Variants in ANAPC10 observed in about 807,000 individuals in gnomAD.
ANAPC10 encodes the protein anaphase promoting complex subunit 10.
ANAPC10 carries 12 observed loss-of-function variants against 22.0 expected under a neutral mutation model. The observed-to-expected ratio is 0.55, with a 90% CI of 0.35 to 0.88. The LOEUF (loss-of-function observed/expected upper bound fraction) is 0.88, where lower values mean the gene tolerates loss of function less well. Ranked by LOEUF, ANAPC10 falls within the 40% of genes least tolerant of loss-of-function variation. ANAPC10 has a pLI of 0.01. For missense variants in ANAPC10, 188 were observed against 220.9 expected (o/e 0.85, Z 0.94); for synonymous variants, 65 against 69.5 (o/e 0.94, Z 0.32).
At chr4:145,037,139 A>G (rs1738702046) in intron 4 of ANAPC10, among the ~76,000 whole-genome samples, 1 of 151,978 alleles carries the variant, frequency 6.6e-6, no homozygotes. Context: ...GGAGCTCCTC[A>G]TGCTATCCAT....
intron 4 of ANAPC10, among the ~76,000 whole-genome samples, chr4:145,047,412 T>C (rs1740470545): frequency 6.6e-6 from 1 of 152,102 alleles, no homozygotes; most frequent in African/African-American, 2.4e-5. Flanking sequence ...TCTGGGGGAA[T>C]ATCAGCAAGT....
At chr4:145,039,606 T>G (rs945244175) in intron 4 of ANAPC10, among the ~76,000 whole-genome samples, 3 of 152,196 alleles carry the variant, frequency 2.0e-5, no homozygotes, top group African/African-American at 7.2e-5. Context: ...ACTCTTTTTT[T>G]TTTGTTTGAA....
chr4:145,048,493 C>T (rs879767049), intron 4 of ANAPC10, among the ~76,000 whole-genome samples: 4 of 152,146 alleles, frequency 2.6e-5, no homozygotes, highest in Non-Finnish European at 5.9e-5. Context: ...CTTCTACTTA[C>T]AGATTCATTT....
intron 2 of ANAPC10, among the ~76,000 whole-genome samples, chr4:145,093,743 T>C (rs922702279): frequency 1.3e-5 from 2 of 152,004 alleles, no homozygotes; most frequent in African/African-American, 2.4e-5. Flanking sequence ...CAAAGATGAA[T>C]GCAGCAGATT....
chr4:145,097,866 G>C (rs1453622759), intron 1 of ANAPC10: 2 of 330,280 alleles, frequency 6.1e-6, no homozygotes. Context: ...GAAAAGATTG[G>C]ATTCCCGGCC....
chr4:145,075,458 G>T (rs1745057325), intron 3 of ANAPC10, among the ~76,000 whole-genome samples: 1 of 151,906 alleles, frequency 6.6e-6, no homozygotes, highest in South Asian at 2.1e-4. Context: ...AACTAGATGT[G>T]GCCAGGAAGA....
intron 4 of ANAPC10, among the ~76,000 whole-genome samples, chr4:145,052,456 C>T (rs1000274431): frequency 2.0e-5 from 3 of 151,812 alleles, no homozygotes; most frequent in Non-Finnish European, 4.4e-5. Context: ...AGGTGGAATC[C>T]GCGTATTTTC....
intron 4 of ANAPC10, among the ~76,000 whole-genome samples, chr4:145,026,535 G>A (rs1411680038): frequency 1.3e-5 from 2 of 151,994 alleles, no homozygotes; most frequent in East Asian, 1.9e-4. Flanking sequence ...AGACTGGAAG[G>A]AGGTGAGGCT....
At chr4:145,041,913 AAT>A (rs1251523876) in intron 4 of ANAPC10, among the ~76,000 whole-genome samples, 1 of 152,218 alleles carries the variant, frequency 6.6e-6, no homozygotes, top group Admixed American at 6.5e-5. Flanking sequence ...CTTTATAAAA[AAT>A]AGTCAAAATG....
intron 2 of ANAPC10, among the ~76,000 whole-genome samples, chr4:145,083,017 T>C (rs1182151841): frequency 6.6e-6 from 1 of 152,180 alleles, no homozygotes; most frequent in Admixed American, 6.5e-5. Context: ...CATATATGTA[T>C]TCTTTCTATT....
intron 4 of ANAPC10, among the ~76,000 whole-genome samples, chr4:145,010,086 T>C (rs1401146386): frequency 1.3e-5 from 2 of 152,174 alleles, no homozygotes; most frequent in African/African-American, 2.4e-5. Context: ...TCATCATCAC[T>C]GGCCATCAGA....
intron 2 of ANAPC10, among the ~76,000 whole-genome samples, chr4:145,094,706 T>C (rs1748224249): frequency 6.6e-6 from 1 of 151,788 alleles, no homozygotes; most frequent in Admixed American, 6.6e-5. Flanking sequence ...AATTATGGGT[T>C]ACAAGGGTGA....
At chr4:145,010,566 C>G (rs1055329296) in intron 4 of ANAPC10, among the ~76,000 whole-genome samples, 2 of 152,180 alleles carry the variant, frequency 1.3e-5, no homozygotes, top group East Asian at 3.9e-4. Context: ...AGCAAACTAT[C>G]GCAAAGACAG....
intron 4 of ANAPC10, among the ~76,000 whole-genome samples, chr4:145,059,062 A>C (rs1224753500): frequency 1.3e-5 from 2 of 152,190 alleles, no homozygotes; most frequent in East Asian, 3.8e-4. Context: ...TTTCTGTCTT[A>C]TCAAACCAAT....
chr4:145,048,403 G>A (rs1252500604), intron 4 of ANAPC10, among the ~76,000 whole-genome samples: 1 of 152,126 alleles, frequency 6.6e-6, no homozygotes, highest in African/African-American at 2.4e-5. Flanking sequence ...TTACCACATG[G>A]GTCACAAATT....
chr4:145,007,260 G>A (rs1369336755), intron 4 of ANAPC10, among the ~76,000 whole-genome samples: 1 of 152,044 alleles, frequency 6.6e-6, no homozygotes, highest in Non-Finnish European at 1.5e-5. Context: ...GGATATTCAG[G>A]ACTTGAACTC....
chr4:145,040,163 GTT>G (rs1007763891), intron 4 of ANAPC10, among the ~76,000 whole-genome samples: 1 of 125,662 alleles, frequency 8.0e-6, no homozygotes, highest in African/African-American at 3.0e-5. Flanking sequence ...GTGTGTGTGT[GTT>G]TTGAGACGGA....
chr4:145,094,439 C>T (rs1019593592), intron 2 of ANAPC10, among the ~76,000 whole-genome samples: 1 of 152,076 alleles, frequency 6.6e-6, no homozygotes, highest in Non-Finnish European at 1.5e-5. Context: ...GTAAAATTCA[C>T]AGAACTGTAC....
intron 4 of ANAPC10, among the ~76,000 whole-genome samples, chr4:145,011,920 A>G (rs138101877): frequency 4.6e-4 from 70 of 152,198 alleles, no homozygotes; most frequent in Non-Finnish European, 7.8e-4. Flanking sequence ...CCAGGCTCCT[A>G]GTTGAAAGCC....
Sources: gnomAD v4.1 joint callset for allele counts (sites outside exome capture counted in the v4.1 genomes callset) on GRCh38, gnomAD v4.1.1 for gene constraint, MANE v1.5 for transcripts, NCBI Gene and HGNC (gene_info 2026-07-23, HGNC 2026-07-21) for gene names.